The following SOX6 variants were observed in gnomAD, a reference collection of about 807,000 sequenced individuals.
SOX6 encodes the protein transcription factor SOX-6.
Under a neutral mutation model 97.8 loss-of-function variants are expected in SOX6, and 11 were observed. The ratio of observed to expected loss-of-function variants is 0.11; its 90% CI spans 0.07 to 0.19. The LOEUF is 0.19. SOX6 is among the 10% of genes least tolerant of loss of function. The pLI is 1.00. For synonymous variants in SOX6, 360 were observed against 371.4 expected, an observed-to-expected ratio of 0.97 and a Z score of 0.35; for missense variants, 810 against 1,039.5, an observed-to-expected ratio of 0.78 and a Z score of 3.04.
rs1008031955 is a variant in SOX6 at position 16,440,258 on chromosome 11, A to G, written c.-5+36057T>C. ...GCTAGGAAAAACGGATTTGCCGTTC[A>G]CACTGGAATAATTAGAACATGTCAG... On this transcript the variant is annotated intron_variant, in intron 1 of 15. Transcript: ENST00000396356. Among the ~76,000 whole-genome samples the G allele has an allele frequency of 3.3e-5, 5 of 152,338 alleles. No homozygotes were observed. The South Asian group carries it at 8.3e-4, about 25-fold the overall frequency.
At chr11:16,503,910 G>T (rs1860746297) in intron 4 of SOX6, among the ~76,000 whole-genome samples, 1 of 152,076 alleles carries the variant, frequency 6.6e-6, no homozygotes, top group African/African-American at 2.4e-5. Context: ...AGGCATGGTG[G>T]TGGGTGCCTG....
At chr11:16,488,620 T>C (rs1288675205) in intron 4 of SOX6, among the ~76,000 whole-genome samples, 1 of 152,138 alleles carries the variant, frequency 6.6e-6, no homozygotes, top group Non-Finnish European at 1.5e-5. Flanking sequence ...TTAGTAATGC[T>C]ACCACATTAT....
intron 4 of SOX6, among the ~76,000 whole-genome samples, chr11:16,589,325 C>T (rs1848126105): frequency 6.6e-6 from 1 of 151,988 alleles, no homozygotes; most frequent in African/African-American, 2.4e-5. Flanking sequence ...AAAATTAATC[C>T]TTACCTAGAT....
At chr11:16,341,382 A>C in intron 1 of SOX6, 130 bp from the exon 2 acceptor site, 1 of 1,334,388 alleles carries the variant, frequency 7.5e-7, no homozygotes, top group Non-Finnish European at 1.0e-6. Context: ...TCCACTCTAA[A>C]CCCCTGAAAA....
At position 16,344,703 on chromosome 11, in the gene SOX6, A is replaced by G. The variant is rs181337480; in HGVS notation, c.-4-3451T>C. Among the ~76,000 whole-genome samples, 20 of 152,118 alleles carry G rather than the reference A, an allele frequency of 1.3e-4. No individual in the cohort carries two copies. The East Asian group carries it at 2.7e-3, about 21-fold the overall frequency. On this transcript the variant is annotated intron_variant, in intron 1 of 15. Transcript: ENST00000683767. ...ACTTTAGCTGCTGCCTTATATGACT[A>G]ATAAGTAAAAGAAAATCAAAATCCT...
chr11:16,098,003 C>T (rs534336003), intron 7 of SOX6, among the ~76,000 whole-genome samples: 25 of 151,846 alleles, frequency 1.6e-4, no homozygotes, highest in Admixed American at 6.6e-4. Context: ...ATCTTTAAGC[C>T]AGGCTGACAC....
intron 3 of SOX6, among the ~76,000 whole-genome samples, chr11:16,266,860 A>G (rs10832579): frequency 0.78 from 118,268 of 151,274 alleles, 46,382 homozygotes; most frequent in Non-Finnish European, 0.8. Flanking sequence ...AGACTGTATC[A>G]TGCATATAAA....
intron 1 of SOX6, among the ~76,000 whole-genome samples, chr11:16,453,739 T>C (rs925545262): frequency 6.6e-6 from 1 of 152,152 alleles, no homozygotes; most frequent in South Asian, 2.1e-4. Flanking sequence ...TAATGTCTTA[T>C]TAGTTGAGTG....
chr11:16,341,422 C>A (rs1269210098), intron 1 of SOX6, among the ~76,000 whole-genome samples, 170 bp from the exon 2 acceptor site: 1 of 152,036 alleles, frequency 6.6e-6, no homozygotes, highest in African/African-American at 2.4e-5. Context: ...TCCTTCTTTC[C>A]CTCTTTGCTT....
intron 4 of SOX6, among the ~76,000 whole-genome samples, chr11:16,210,324 T>G (rs1365349669): frequency 6.6e-6 from 1 of 152,202 alleles, no homozygotes; most frequent in Non-Finnish European, 1.5e-5. Context: ...AACGAGGTAC[T>G]GATACATGCT....
intron 4 of SOX6, among the ~76,000 whole-genome samples, chr11:16,217,738 G>A (rs1280645826): frequency 6.6e-6 from 1 of 152,074 alleles, no homozygotes; most frequent in Admixed American, 6.6e-5. Flanking sequence ...ACAGTTTCAA[G>A]TCGATCTATA....
chr11:16,682,041 G>GTACAA (rs1685524703), intron 3 of SOX6, among the ~76,000 whole-genome samples: 5 of 152,332 alleles, frequency 3.3e-5, no homozygotes, highest in Admixed American at 2.6e-4. Context: ...GTACAAAGAG[G>GTACAA]AGCTGGTACC....
chr11:16,098,958 G>A (rs1848870991), intron 7 of SOX6, among the ~76,000 whole-genome samples: 1 of 151,732 alleles, frequency 6.6e-6, no homozygotes, highest in African/African-American at 2.4e-5. Context: ...TACTCAGCTG[G>A]CCCAATGTAA....
At chr11:16,614,495 G>A (rs1330736102) in intron 3 of SOX6, among the ~76,000 whole-genome samples, 1 of 152,110 alleles carries the variant, frequency 6.6e-6, no homozygotes, top group Non-Finnish European at 1.5e-5. Context: ...TCTAACAATG[G>A]ATTAGGTAAA....
At chr11:16,650,664 T>C (rs1464496355) in intron 3 of SOX6, among the ~76,000 whole-genome samples, 1 of 151,686 alleles carries the variant, frequency 6.6e-6, no homozygotes, top group Non-Finnish European at 1.5e-5. Context: ...AATGCCTACA[T>C]CAAAAAGTCT....
intron 9 of SOX6, among the ~76,000 whole-genome samples, chr11:16,094,318 TG>T (rs1181655074): frequency 9.9e-6 from 1 of 100,846 alleles, no homozygotes; most frequent in South Asian, 3.4e-4. Context: ...GGGTTGGGAG[TG>T]GGGGGTGGGA....
chr11:16,024,324 G>A (rs1855157061), intron 12 of SOX6, among the ~76,000 whole-genome samples: 1 of 151,986 alleles, frequency 6.6e-6, no homozygotes, highest in South Asian at 2.1e-4. Context: ...CGGCAACCCT[G>A]GCCAACTAAT....
chr11:16,378,646 T>TA (rs1857713056), intron 1 of SOX6, among the ~76,000 whole-genome samples: 1 of 151,758 alleles, frequency 6.6e-6, no homozygotes, highest in Non-Finnish European at 1.5e-5. Flanking sequence ...AAATTAAAGG[T>TA]AAAAAAATAA....
chr11:16,610,975 C>T lies in SOX6; in HGVS notation n.609+1106G>A, dbSNP rs1374658102. Among the ~76,000 whole-genome samples the T allele has an allele frequency of 6.6e-6, 1 of 152,222 alleles. No individual in the cohort carries two copies. Among genetic ancestry groups the T allele is most frequent in the East Asian group, 1.9e-4 (1 of 5,176 alleles). The stretch of plus-strand genomic sequence containing the variant: ...GTTGGAGCCCCACGCGGCGCAAGAA[C>T]CCCGGGCGCTGAGCTCCGGGGAACC... On this transcript the variant is annotated intron_variant and non_coding_transcript_variant, in intron 4 of 5. Transcript: ENST00000524520. The surrounding 1 kb of genome is among the most constrained non-coding windows in gnomAD (Gnocchi z 4.4).
Sources: gnomAD v4.1 joint callset for allele counts (sites outside exome capture counted in the v4.1 genomes callset) on GRCh38, gnomAD v4.1.1 for gene constraint, Gnocchi (gnomAD v3.1) non-coding constraint, MANE v1.5 for transcripts, NCBI Gene and HGNC (gene_info 2026-07-23, HGNC 2026-07-21) for gene names.